Variants in MBTPS1 observed in about 807,000 individuals in gnomAD.
The protein encoded by MBTPS1 is membrane-bound transcription factor site-1 protease.
Under a neutral mutation model 127.8 loss-of-function variants are expected in MBTPS1, and 94 were observed. The observed-to-expected ratio is 0.74, with a 90% CI of 0.62 to 0.87. The LOEUF (loss-of-function observed/expected upper bound fraction) is 0.87, where lower values mean the gene tolerates loss of function less well. Ranked by LOEUF, MBTPS1 falls within the 40% of genes least tolerant of loss-of-function variation. MBTPS1 has a pLI of 0.00. For synonymous variants in MBTPS1, 632 were observed against 509.4 expected (o/e 1.24, Z -3.24); for missense variants, 1,636 against 1,353.2 (o/e 1.21, Z -3.28).
chr16:84,090,465 G>A (rs1000274773), intron 8 of MBTPS1, among the ~76,000 whole-genome samples: 1 of 152,104 alleles, frequency 6.6e-6, no homozygotes, highest in African/African-American at 2.4e-5. Context: ...TGCTCTTTCA[G>A]AGAGAGGCAG....
chr16:84,103,287 C>G (rs1354511747), intron 1 of MBTPS1, among the ~76,000 whole-genome samples: 2 of 149,046 alleles, frequency 1.3e-5, no homozygotes, highest in Non-Finnish European at 1.5e-5. Context: ...AAGGGTCTCA[C>G]TCTGACACCC....
intron 1 of MBTPS1, among the ~76,000 whole-genome samples, chr16:84,107,422 C>T (rs765987979): frequency 3.3e-5 from 5 of 152,102 alleles, no homozygotes; most frequent in Non-Finnish European, 7.4e-5. Flanking sequence ...AAGGACACAC[C>T]CCCTTGCTGT....
intron 11 of MBTPS1, among the ~76,000 whole-genome samples, chr16:84,080,984 G>A (rs1044600687): frequency 6.6e-6 from 1 of 152,228 alleles, no homozygotes; most frequent in African/African-American, 2.4e-5. Flanking sequence ...TCTGTGATTA[G>A]AGGAAACCAA....
intron 11 of MBTPS1, chr16:84,075,343 A>G (rs1294137773): frequency 2.6e-5 from 4 of 152,270 alleles, no homozygotes; most frequent in African/African-American, 7.2e-5. Flanking sequence ...GGACCCTGAC[A>G]TAATTTGTGT....
intron 19 of MBTPS1, among the ~76,000 whole-genome samples, chr16:84,062,703 T>A (rs2085630912): frequency 6.6e-6 from 1 of 152,174 alleles, no homozygotes; most frequent in South Asian, 2.1e-4. Flanking sequence ...AGAAAAATAG[T>A]CTGTGCCCAA....
rs1289259006 is a variant in MBTPS1 at position 84,093,274 on chromosome 16, C to T, written c.760G>A (p.Ala254Thr). ...DDGLGHGTFV[A>T]GVIASMRECQ... ...TCCCTCATGCTGGCTATCACACCTG[C>T]CACGAATGTGCCATGGCCCAACCCT... The change falls in exon 6 of 23, where the codon GCA (alanine) becomes ACA (threonine). Residue 254 changes from alanine (A) to threonine (T), a missense_variant. Ala to Thr is a moderately conservative substitution (Grantham distance 58). Transcript: ENST00000343411. 1 of 1,613,486 alleles carries T rather than the reference C, an allele frequency of 6.2e-7. No homozygotes were observed. Among genetic ancestry groups the T allele is most frequent in the Non-Finnish European group, 8.5e-7 (1 of 1,179,504 alleles).
Position 84,060,823 on chromosome 16 carries a change from C to A in MBTPS1, c.2573-10G>T. 6.4e-7 allele frequency: 1 copy of A among 1,557,608 alleles called. No homozygotes were observed. The highest frequency in any genetic ancestry group is 1.2e-5 in the South Asian group (1 of 82,674). On this transcript the variant is annotated splice_polypyrimidine_tract_variant and intron_variant, in intron 19 of 22. Transcript: ENST00000343411. Reference sequence around the variant, plus strand: ...AGAAGCCAAAAGCAGTCTGCGAAGTCAACAAGCCTGTTTAGGAATTCCTTT... The same window carrying A: ...AGAAGCCAAAAGCAGTCTGCGAAGTAAACAAGCCTGTTTAGGAATTCCTTT...
chr16:84,111,663 C>G (rs946774425), intron 1 of MBTPS1, among the ~76,000 whole-genome samples: 3 of 152,306 alleles, frequency 2.0e-5, no homozygotes, highest in South Asian at 4.1e-4. Context: ...ATTCTCTCCA[C>G]AGAGCCTCCA....
At chr16:84,111,623 C>G (rs1183831657) in intron 1 of MBTPS1, among the ~76,000 whole-genome samples, 1 of 152,110 alleles carries the variant, frequency 6.6e-6, no homozygotes, top group Non-Finnish European at 1.5e-5. Flanking sequence ...CGCAGGTGGC[C>G]TGTAGAAACT....
At chr16:84,060,575 G>T in intron 20 of MBTPS1, 107 bp downstream of exon 20, 2 of 1,301,704 alleles carry the variant, frequency 1.5e-6, no homozygotes, top group Non-Finnish European at 2.1e-6. Context: ...ACTCAGCGGC[G>T]CACACAAACT....
rs371178237 is a variant in MBTPS1 at position 84,064,579 on chromosome 16, TC to T, written c.2431+1110del. ...ATATCCTTAAATCTACTTCTGATTC[TC>T]CCCACCCACCTACCAAAAACAAGGA... On this transcript the variant is annotated intron_variant, in intron 18 of 22. Transcript: ENST00000343411. Among the ~76,000 whole-genome samples, 28 of 152,214 alleles carry T rather than the reference TC, an allele frequency of 1.8e-4. No homozygotes were observed. The East Asian group carries it at 5.2e-3, about 28-fold the overall frequency.
chr16:84,066,168 G>A (rs1597309539), intron 17 of MBTPS1, among the ~76,000 whole-genome samples: 1 of 152,264 alleles, frequency 6.6e-6, no homozygotes, highest in East Asian at 1.9e-4. Context: ...TTCCTACACG[G>A]GAAACACAAA....
At chr16:84,110,650 A>G (rs2086385113) in intron 1 of MBTPS1, 1 of 152,196 alleles carries the variant, frequency 6.6e-6, no homozygotes, top group Admixed American at 6.5e-5. Context: ...AATCCTCCCA[A>G]CAACCCGTTA....
At chr16:84,067,573 A>C in intron 16 of MBTPS1, 94 bp downstream of exon 16, 1 of 1,038,968 alleles carries the variant, frequency 9.6e-7, no homozygotes. Flanking sequence ...AACTGGAAAG[A>C]CCACCAACAG....
rs971972291 is a variant in MBTPS1, at chr16:84,101,984, G to A, written c.-201C>T. ...AAGAGAGGCTTTCATTTCTTTCTCC[G>A]CTTCTTCTCCATCTTGGAAATAAGG... On this transcript the variant is annotated 5_prime_UTR_variant, in exon 2 of 23. Coordinates refer to ENST00000343411, the MANE Select transcript of MBTPS1 (RefSeq NM_003791.4). The A allele has an allele frequency of 1.9e-5, 10 of 540,012 alleles. No homozygotes were observed. Among genetic ancestry groups the A allele is most frequent in the Admixed American group, 1.3e-4 (4 of 30,042 alleles). 33.5% of individuals were successfully genotyped at this position (540,012 alleles called of 1,614,324 possible).
intron 15 of MBTPS1, 97 bp from the exon 16 acceptor site, chr16:84,067,920 C>G: frequency 8.3e-7 from 1 of 1,203,838 alleles, no homozygotes; most frequent in South Asian, 1.4e-5. Context: ...TCTCAGGTTA[C>G]TGACACCTAA....
At chr16:84,059,494 G>C (rs2085574661) in intron 20 of MBTPS1, 66 bp from the exon 21 acceptor site, 1 of 1,491,574 alleles carries the variant, frequency 6.7e-7, no homozygotes, top group African/African-American at 1.4e-5. Context: ...AAAGGAAAAA[G>C]GAGGGCCTTA....
At chr16:84,094,553 C>A (rs1597340852) in intron 4 of MBTPS1, among the ~76,000 whole-genome samples, 1 of 152,280 alleles carries the variant, frequency 6.6e-6, no homozygotes, top group East Asian at 1.9e-4. Context: ...GACTTAACAG[C>A]TAACCAATGT....
At chr16:84,055,276 T>A (rs999351884) in intron 22 of MBTPS1, among the ~76,000 whole-genome samples, 1 of 152,194 alleles carries the variant, frequency 6.6e-6, no homozygotes, top group African/African-American at 2.4e-5. Flanking sequence ...CACCACGTGG[T>A]GTCCAGGGCT....
Sources: allele counts gnomAD v4.1 joint callset (sites outside exome capture counted in the v4.1 genomes callset), GRCh38; gene constraint gnomAD v4.1.1; transcripts MANE v1.5; gene names NCBI Gene and HGNC (gene_info 2026-07-23, HGNC 2026-07-21).